Variants in CSMD3 observed in about 807,000 individuals in gnomAD.
The protein encoded by CSMD3 is CUB and Sushi multiple domains 3, also known as CUB and sushi domain-containing protein 3.
A neutral mutation model predicts 435.2 loss-of-function variants in CSMD3; 177 were observed. That is an observed-to-expected ratio of 0.41 (90% CI 0.36 to 0.46). The LOEUF (loss-of-function observed/expected upper bound fraction) is 0.46. Among genes scored for constraint, CSMD3 ranks in the 20% least tolerant of loss-of-function variants. The pLI, the probability that CSMD3 is intolerant of heterozygous loss-of-function variation, is 0.34. For missense variants in CSMD3, 4,265 were observed against 4,504.6 expected, an observed-to-expected ratio of 0.95 and a Z score of 1.52; for synonymous variants, 1,656 against 1,520.5, an observed-to-expected ratio of 1.09 and a Z score of -2.07.
At chr8:113,381,287 G>T (rs1005464763) in intron 1 of CSMD3, among the ~76,000 whole-genome samples, 1 of 152,068 alleles carries the variant, frequency 6.6e-6, no homozygotes, top group African/African-American at 2.4e-5. Flanking sequence ...GATTACAAGG[G>T]GTTCTGCAAA....
At chr8:113,003,786 T>C (rs1324183671) in intron 6 of CSMD3, among the ~76,000 whole-genome samples, 1 of 152,092 alleles carries the variant, frequency 6.6e-6, no homozygotes, top group African/African-American at 2.4e-5. Context: ...GAAACCAGCA[T>C]TGCTACTATC....
At chr8:112,406,836 C>G (rs1263753706) in intron 34 of CSMD3, 109 bp from the exon 35 acceptor site, 1 of 580,356 alleles carries the variant, frequency 1.7e-6, no homozygotes, top group East Asian at 3.0e-5. Context: ...TTTATCAGAA[C>G]TTGAATTAAC....
intron 6 of CSMD3, among the ~76,000 whole-genome samples, chr8:113,003,669 G>A (rs1391144059): frequency 6.6e-6 from 1 of 152,018 alleles, no homozygotes; most frequent in African/African-American, 2.4e-5. Context: ...TTAGCGAGAT[G>A]CTTTTAGAAA....
In CSMD3 at chr8:112,394,373, C is replaced by T. The variant is rs546925199; in HGVS notation, c.5810-3585G>A. Among the ~76,000 whole-genome samples, 257 of 152,260 alleles carry T rather than the reference C, an allele frequency of 1.7e-3. 1 individual carries two copies. Among genetic ancestry groups the T allele is most frequent in the African/African-American group, 5.8e-3 (241 of 41,544 alleles). On this transcript the variant is annotated intron_variant, in intron 35 of 70. Coordinates refer to ENST00000297405, the MANE Select transcript of CSMD3 (RefSeq NM_198123.2). ...CATATTGGTTCTACTCCACATCTCC[C>T]TACACTAACTACAGTGATTTATTAG...
intron 32 of CSMD3, among the ~76,000 whole-genome samples, chr8:112,430,926 T>C (rs1813634284): frequency 6.7e-6 from 1 of 149,012 alleles, no homozygotes; most frequent in Non-Finnish European, 1.5e-5. Context: ...GTGTGTTTAC[T>C]TTCACTTGAG....
chr8:112,496,695 A>G (rs1821381993), intron 30 of CSMD3, among the ~76,000 whole-genome samples: 1 of 152,186 alleles, frequency 6.6e-6, no homozygotes, highest in South Asian at 2.1e-4. Context: ...TCAGGCACAG[A>G]AAGACAAATT....
At chr8:112,442,893 G>A (rs1815189961) in intron 32 of CSMD3, among the ~76,000 whole-genome samples, 1 of 152,194 alleles carries the variant, frequency 6.6e-6, no homozygotes. Flanking sequence ...CCTAAGGGAT[G>A]TCAGAGCAGA....
intron 9 of CSMD3, among the ~76,000 whole-genome samples, chr8:112,923,440 T>C (rs1022520837): frequency 6.6e-6 from 1 of 152,150 alleles, no homozygotes; most frequent in African/African-American, 2.4e-5. Flanking sequence ...ATTTATCGAC[T>C]TCCTTGCTCT....
intron 3 of CSMD3, among the ~76,000 whole-genome samples, chr8:113,178,636 A>T (rs943940377): frequency 2.0e-5 from 3 of 151,962 alleles, no homozygotes; most frequent in African/African-American, 7.2e-5. Flanking sequence ...ATTTCCTGAT[A>T]AAGAAAGGCT....
chr8:112,311,088 A>C lies in CSMD3; in HGVS notation c.7775T>G (p.Val2592Gly). Residue 2592 changes from valine (V) to glycine (G), a missense_variant, in exon 50 of 71, where the codon GTC becomes GGC. Val to Gly is a moderately radical substitution (Grantham distance 109). Around this residue, in one of 3 missense-constraint regions of CSMD3, gnomAD observed 3,255 missense variants for 3,380.2 expected, o/e 0.96. Coordinates refer to ENST00000297405, the MANE Select transcript of CSMD3 (RefSeq NM_198123.2). ...GAATCCTCGATCACAGGCCCAACGG[A>C]CCACACTGTTAAGCTGCCCACCTGT... ...SQTGGQLNSV[V>G]RWACDRGFRL... 1 of 1,614,030 alleles carries C rather than the reference A, an allele frequency of 6.2e-7. No homozygotes were observed. Among genetic ancestry groups the C allele is most frequent in the Non-Finnish European group, 8.5e-7 (1 of 1,179,948 alleles).
intron 27 of CSMD3, among the ~76,000 whole-genome samples, chr8:112,540,463 C>A (rs1465720120): frequency 6.6e-6 from 1 of 151,908 alleles, no homozygotes; most frequent in Non-Finnish European, 1.5e-5. Context: ...ATTAGTATAT[C>A]AAAGAGATAG....
Position 113,332,250 on chromosome 8 carries a change from G to A in CSMD3, c.179-17457C>T, listed in dbSNP as rs77867259. 8.8e-3 allele frequency among the ~76,000 whole-genome samples: 1,307 copies of A among 149,336 alleles called. 17 individuals are homozygous for A. The highest frequency in any genetic ancestry group is 0.03 in the African/African-American group (1,223 of 40,638). On this transcript the variant is annotated intron_variant, in intron 1 of 70. Transcript: ENST00000297405. ...TAATAATGTAAGCATATACTGTTGGGAAAATGGTGCCTATCCAATTTGTCC... is the reference window on the plus strand; with the variant it reads ...TAATAATGTAAGCATATACTGTTGGAAAAATGGTGCCTATCCAATTTGTCC...
chr8:112,341,637 A>G lies in CSMD3; in HGVS notation c.6492T>C (p.Tyr2164=), dbSNP rs2130993307. 6.2e-7 allele frequency: 1 copy of G among 1,613,320 alleles called. No individual in the cohort carries two copies. The highest frequency in any genetic ancestry group is 8.5e-7 in the Non-Finnish European group (1 of 1,179,348). The change falls in exon 42 of 71, where the codon TAT becomes TAC. Residue 2164 remains tyrosine (Y), a synonymous_variant. Coordinates refer to ENST00000297405, the MANE Select transcript of CSMD3 (RefSeq NM_198123.2). ...CTGAGGATCCACTTCGTACTTCCAAATAATCATGTATGGTTTCTGTAGAAA... is the reference window on the plus strand; with the variant it reads ...CTGAGGATCCACTTCGTACTTCCAAGTAATCATGTATGGTTTCTGTAGAAA... ...VNFSTETIHD[Y]LEVRSGSSET...
intron 10 of CSMD3, among the ~76,000 whole-genome samples, chr8:112,918,335 C>T (rs1277007670): frequency 6.6e-6 from 1 of 151,644 alleles, no homozygotes; most frequent in African/African-American, 2.4e-5. Context: ...TTTTCTCATC[C>T]TCCCTTAATT....
At chr8:112,574,816 G>A (rs1237865717) in intron 23 of CSMD3, among the ~76,000 whole-genome samples, 1 of 151,856 alleles carries the variant, frequency 6.6e-6, no homozygotes, top group East Asian at 1.9e-4. Context: ...AGAAAAATTG[G>A]AGAATACTGC....
chr8:113,375,408 T>C (rs192755217), intron 1 of CSMD3, among the ~76,000 whole-genome samples: 2 of 152,252 alleles, frequency 1.3e-5, no homozygotes, highest in East Asian at 1.9e-4. Flanking sequence ...GTTTAGACTA[T>C]AATTTAGAAG....
intron 6 of CSMD3, among the ~76,000 whole-genome samples, chr8:112,994,677 A>G (rs1363379937): frequency 6.6e-6 from 1 of 151,540 alleles, no homozygotes; most frequent in African/African-American, 2.4e-5. Flanking sequence ...TCCAAGTCTA[A>G]TGCTTTTTGT....
Position 112,241,747 on chromosome 8 carries a change from G to C in CSMD3, c.10441C>G (p.Leu3481Val), listed in dbSNP as rs748815355. 8.7e-6 allele frequency: 14 copies of C among 1,612,810 alleles called. No individual in the cohort carries two copies. Among genetic ancestry groups the C allele is most frequent in the Non-Finnish European group, 1.0e-5 (12 of 1,179,004 alleles). The change falls in exon 66 of 71, where the codon CTG (leucine) becomes GTG (valine). Residue 3481 changes from leucine (L) to valine (V), a missense_variant. Leu to Val is a conservative substitution (Grantham distance 32). Coordinates refer to ENST00000297405, the MANE Select transcript of CSMD3 (RefSeq NM_198123.2). ...CTTAGCTTTGGGCTGGGTGTTCCCAGTGCAGGTCTAGGATCTTTCACCAAT... is the reference window on the plus strand; with the variant it reads ...CTTAGCTTTGGGCTGGGTGTTCCCACTGCAGGTCTAGGATCTTTCACCAAT... ...KILVKDPRPA[L>V]GTPSPKLSVP...
chr8:113,388,752 G>C (rs897235360), intron 1 of CSMD3, among the ~76,000 whole-genome samples: 2 of 151,488 alleles, frequency 1.3e-5, no homozygotes. Context: ...TTTAAGAAAA[G>C]ATATCTTCAG....
Sources: gnomAD v4.1 joint callset for allele counts (sites outside exome capture counted in the v4.1 genomes callset) on GRCh38, gnomAD v4.1.1 for gene constraint, gnomAD v4.1.1 regional missense constraint, MANE v1.5 for transcripts, NCBI Gene and HGNC (gene_info 2026-07-23, HGNC 2026-07-21) for gene names.